Variants in TIA1 observed in about 807,000 individuals in gnomAD.
TIA1 encodes the protein cytotoxic granule associated RNA binding protein TIA1.
In TIA1, 23 loss-of-function variants were observed where a neutral mutation model predicts 65.9. The ratio of observed to expected loss-of-function variants is 0.35; its 90% CI spans 0.25 to 0.49. TIA1 has a LOEUF of 0.49. Among genes scored for constraint, TIA1 ranks in the 20% least tolerant of loss-of-function variants. TIA1 has a pLI of 0.98. For missense variants in TIA1, 371 were observed against 477.9 expected, an observed-to-expected ratio of 0.78 and a Z score of 2.09; for synonymous variants, 147 against 149.4, an observed-to-expected ratio of 0.98 and a Z score of 0.12.
chr2:70,216,861 T>G (rs1221104998), intron 8 of TIA1, 25 bp downstream of exon 8: 14 of 1,613,992 alleles, frequency 8.7e-6, no homozygotes, highest in Non-Finnish European at 1.2e-5. Flanking sequence ...ATTCCACATT[T>G]CCTTTTCTTC....
chr2:70,228,855 G>T, intron 5 of TIA1: 2 of 1,432,750 alleles, frequency 1.4e-6, no homozygotes, highest in African/African-American at 1.4e-5. Flanking sequence ...TACCAAACGG[G>T]TCAGAAAGCT....
chr2:70,230,806 G>A lies in TIA1; in HGVS notation c.172C>T (p.His58Tyr), dbSNP rs1422884714. Residue 58 changes from histidine to tyrosine, a missense_variant, in exon 3 of 13, where the codon CAT becomes TAT. Coordinates refer to ENST00000433529, the MANE Select transcript of TIA1 (RefSeq NM_022173.4). ...ATAGCAGCTAATGCTGCAGCTGCAT[G>A]ACGATGCTCATGAAACTCCACAAAA... Reference protein sequence around the residue: ...YCFVEFHEHRHAAAALAAMNG... With the variant: ...YCFVEFHEHRYAAAALAAMNG... The A allele has an allele frequency of 6.2e-7, 1 of 1,612,910 alleles. No individual in the cohort carries two copies. Among genetic ancestry groups the A allele is most frequent in the Middle Eastern group, 1.7e-4 (1 of 6,058 alleles).
At chr2:70,237,977 C>T (rs1045922249) in intron 1 of TIA1, among the ~76,000 whole-genome samples, 2 of 151,536 alleles carry the variant, frequency 1.3e-5, no homozygotes, top group African/African-American at 4.9e-5. Context: ...CTGGCTAACA[C>T]GATGAAACCT....
chr2:70,222,146 A>AC (rs1271282909), intron 7 of TIA1, among the ~76,000 whole-genome samples: 3 of 138,066 alleles, frequency 2.2e-5, no homozygotes, highest in African/African-American at 7.5e-5. Flanking sequence ...AAAACAAACA[A>AC]ACAAAAAAAA....
intron 1 of TIA1, among the ~76,000 whole-genome samples, chr2:70,245,924 T>C (rs1306571822): frequency 3.2e-5 from 2 of 63,068 alleles, no homozygotes; most frequent in African/African-American, 1.4e-4. Context: ...ATTTTTTTTT[T>C]TTTTTTTTTT....
At chr2:70,223,482 C>T (rs1411691773) in intron 7 of TIA1, among the ~76,000 whole-genome samples, 1 of 151,914 alleles carries the variant, frequency 6.6e-6, no homozygotes, top group African/African-American at 2.4e-5. Context: ...AGTACAGTGG[C>T]TTGATCATGA....
chr2:70,230,713 A>C, intron 3 of TIA1, 43 bp downstream of exon 3: 5 of 1,439,642 alleles, frequency 3.5e-6, no homozygotes, highest in Non-Finnish European at 4.7e-6. Context: ...TATAACTTAA[A>C]TTTTTTCAGT....
chr2:70,217,468 G>C (rs1350892354), intron 7 of TIA1, among the ~76,000 whole-genome samples: 1 of 151,944 alleles, frequency 6.6e-6, no homozygotes, highest in Non-Finnish European at 1.5e-5. Context: ...CGTGATCTCG[G>C]CTCACTGCAA....
intron 11 of TIA1, chr2:70,215,140 G>A (rs1384730839): frequency 8.1e-6 from 4 of 492,682 alleles, no homozygotes; most frequent in South Asian, 2.7e-5. Flanking sequence ...TAGGTTTCTC[G>A]GAGCATTTTA....
At chr2:70,225,264 G>C (rs1683315814) in intron 6 of TIA1, 8 of 1,183,110 alleles carry the variant, frequency 6.8e-6, no homozygotes, top group Non-Finnish European at 7.5e-6. Flanking sequence ...ATATAAAATT[G>C]ATTGGAACTA....
At chr2:70,248,171 T>C (rs897642058) in intron 1 of TIA1, among the ~76,000 whole-genome samples, 1 of 152,202 alleles carries the variant, frequency 6.6e-6, no homozygotes, top group Admixed American at 6.5e-5. Flanking sequence ...GCAAAGGTCA[T>C]GCAATGGTGT....
At chr2:70,224,923 A>C (rs1272987733) in intron 6 of TIA1, 8 of 1,119,042 alleles carry the variant, frequency 7.1e-6, no homozygotes, top group Non-Finnish European at 8.8e-6. Flanking sequence ...GCAGCTACTC[A>C]CATGAACTAC....
intron 10 of TIA1, 87 bp downstream of exon 10, chr2:70,216,119 TTG>T: frequency 8.8e-7 from 1 of 1,135,274 alleles, no homozygotes; most frequent in Non-Finnish European, 1.2e-6. Context: ...AAAAAATATT[TTG>T]GAGGAAAAAG....
intron 7 of TIA1, among the ~76,000 whole-genome samples, chr2:70,220,440 C>T (rs1319097622): frequency 6.6e-6 from 1 of 151,784 alleles, no homozygotes; most frequent in Non-Finnish European, 1.5e-5. Context: ...TATGGATACA[C>T]AAAGAGAGAA....
In TIA1 at chr2:70,216,260, C is replaced by T; in HGVS notation, c.712G>A (p.Gly238Arg). ...QLMRQTFSPF[G>R]QIMEIRVFPD... ...AAGACTCGAATTTCCATTATTTGTC[C>T]AAATGGTGAAAAAGTCTGACGCATT... Residue 238 changes from glycine (G) to arginine (R), a missense_variant, in exon 10 of 13, where the codon GGA (glycine) becomes AGA (arginine). By Grantham distance (125) the Gly-to-Arg change is moderately radical. Transcript: ENST00000433529. The T allele has an allele frequency of 6.3e-7, 1 of 1,594,660 alleles. No homozygotes were observed. The highest frequency in any genetic ancestry group is 8.5e-7 in the Non-Finnish European group (1 of 1,174,668).
intron 8 of TIA1, 60 bp downstream of exon 8, chr2:70,216,826 A>T: frequency 6.2e-7 from 1 of 1,612,502 alleles, no homozygotes; most frequent in Non-Finnish European, 8.5e-7. Context: ...TCTAACATTT[A>T]AAATCTAGCG....
chr2:70,235,575 T>C (rs74814151), intron 2 of TIA1, among the ~76,000 whole-genome samples: 9,343 of 151,910 alleles, frequency 0.062, 354 homozygotes, highest in East Asian at 0.18. Context: ...TGTGTGTATG[T>C]GTGTGTGTTT....
intron 6 of TIA1, chr2:70,225,374 G>T (rs1683367006): frequency 7.8e-7 from 1 of 1,288,734 alleles, no homozygotes; most frequent in South Asian, 1.2e-5. Flanking sequence ...GGGCAATTCT[G>T]TCCATTCTTC....
rs1214226971 is a variant in TIA1 at position 70,216,564 on chromosome 2, C to T, written c.584-65G>A. The T allele has an allele frequency of 2.8e-6, 4 of 1,452,354 alleles. No individual in the cohort carries two copies. The African/African-American group carries it at 4.2e-5, about 15-fold the overall frequency. 90.0% of individuals were successfully genotyped at this position (1,452,354 alleles called of 1,614,324 possible). A position where few individuals can be genotyped will look rare whatever the true frequency, so the allele number is the denominator to read the frequency against. ...AAAATGTGCAGAAAGAGAAAAGTAG[C>T]ATTCACTACACTACTGTAAAGGTAA... On this transcript the variant is annotated intron_variant, in intron 8 of 12. Coordinates refer to ENST00000433529, the MANE Select transcript of TIA1 (RefSeq NM_022173.4).
Sources: gnomAD v4.1 joint callset for allele counts (sites outside exome capture counted in the v4.1 genomes callset) on GRCh38, gnomAD v4.1.1 for gene constraint, MANE v1.5 for transcripts, NCBI Gene and HGNC (gene_info 2026-07-23, HGNC 2026-07-21) for gene names.